The following AGAP1 variants were observed in gnomAD, a reference collection of about 807,000 sequenced individuals.
The protein encoded by AGAP1 is arf-GAP with GTPase, ANK repeat and PH domain-containing protein 1.
A neutral mutation model predicts 105.3 loss-of-function variants in AGAP1; 29 were observed. That is an observed-to-expected ratio of 0.28 (90% confidence interval 0.21 to 0.38). AGAP1 has a LOEUF of 0.38. Among genes scored for constraint, AGAP1 ranks in the 10% least tolerant of loss-of-function variants. The pLI is 1.00. For missense variants in AGAP1, 998 were observed against 1,165.1 expected (o/e 0.86, Z 2.09); for synonymous variants, 509 against 485.9 (o/e 1.05, Z -0.63).
chr2:236,036,471 G>T lies in AGAP1; in HGVS notation c.1646-90G>T. On this transcript the variant is annotated intron_variant, in intron 13 of 17. Transcript: ENST00000304032. The surrounding 1 kb of genome is among the most constrained non-coding windows in gnomAD (Gnocchi z 5.7). Reference sequence around the variant, plus strand: ...CTCACCGGTCCATGCAGGGGCAGCTGAACCCAGAGGCGCTTCTGTGACAGA... The same window carrying T: ...CTCACCGGTCCATGCAGGGGCAGCTTAACCCAGAGGCGCTTCTGTGACAGA... 1 of 1,533,008 alleles carries T rather than the reference G, an allele frequency of 6.5e-7. No individual in the cohort carries two copies. The highest frequency in any genetic ancestry group is 1.3e-5 in the South Asian group (1 of 79,514). 95.0% of individuals were successfully genotyped at this position (1,533,008 alleles called of 1,614,324 possible).
chr2:235,501,782 C>G (rs1054843449), intron 1 of AGAP1, among the ~76,000 whole-genome samples: 1 of 151,780 alleles, frequency 6.6e-6, no homozygotes, highest in East Asian at 1.9e-4. Context: ...CCCCTCCCCG[C>G]CCCCATCCCA....
chr2:235,502,219 A>G (rs1941590226), intron 1 of AGAP1, among the ~76,000 whole-genome samples: 1 of 152,120 alleles, frequency 6.6e-6, no homozygotes, highest in Non-Finnish European at 1.5e-5. Context: ...CATGGCCAGA[A>G]GTGGGTATCG....
intron 1 of AGAP1, among the ~76,000 whole-genome samples, chr2:235,554,004 C>T (rs1442599212): frequency 1.3e-5 from 2 of 152,192 alleles, no homozygotes; most frequent in Middle Eastern, 3.2e-3. Context: ...GTGTGACTCA[C>T]CTCTGGCCAG....
chr2:236,011,554 G>A (rs898279889), intron 13 of AGAP1, among the ~76,000 whole-genome samples: 2 of 152,162 alleles, frequency 1.3e-5, no homozygotes, highest in Non-Finnish European at 2.9e-5. Flanking sequence ...TAGCAGAATG[G>A]AAAACACTAA....
rs370959086 is a variant in AGAP1, at chr2:235,826,982, G to A, written c.1050+19651G>A. Among the ~76,000 whole-genome samples, 107 of 152,142 alleles carry A rather than the reference G, an allele frequency of 7.0e-4. No homozygotes were observed. The East Asian group carries it at 0.016, about 22-fold the overall frequency. ...TGCACTTTTCAGATACGGTGGCTCC[G>A]CGTGTTGGAGAATTCAGTACCAGAT... is the stretch of plus-strand genomic sequence containing the variant. On this transcript the variant is annotated intron_variant, in intron 9 of 17. Transcript: ENST00000304032.
rs967709116 is a variant in AGAP1 at position 236,119,332 on chromosome 2, C to T, written c.2115-860C>T. 1.3e-5 allele frequency among the ~76,000 whole-genome samples: 2 copies of T among 152,192 alleles called. No individual in the cohort carries two copies. The highest frequency in any genetic ancestry group is 4.1e-4 in the South Asian group (2 of 4,826). ...GTTTCCCCCAAAAAACTCAGCCATTCCTGACATTCTGTCCTTTCCACTTAA... is the reference window on the plus strand; with the variant it reads ...GTTTCCCCCAAAAAACTCAGCCATTTCTGACATTCTGTCCTTTCCACTTAA... On this transcript the variant is annotated intron_variant, in intron 16 of 17. Transcript: ENST00000304032. This position sits in a 1 kb window ranked among gnomAD's most constrained non-coding sequence, Gnocchi z 6.6.
At chr2:236,068,571 C>T (rs1285772580) in intron 16 of AGAP1, among the ~76,000 whole-genome samples, 7 of 151,786 alleles carry the variant, frequency 4.6e-5, no homozygotes, top group African/African-American at 1.7e-4. Context: ...GAGGCCGAGG[C>T]GGGCGGATCA....
At chr2:236,093,567 G>A (rs1041141606) in intron 16 of AGAP1, among the ~76,000 whole-genome samples, 23 of 152,328 alleles carry the variant, frequency 1.5e-4, no homozygotes, top group African/African-American at 5.5e-4. Flanking sequence ...AAAAAGAAGA[G>A]TAGGGTTTGG....
chr2:235,737,675 AGGGAGGG>A lies in AGAP1; in HGVS notation c.311-3287_311-3281del, dbSNP rs964867633. 6.6e-6 allele frequency among the ~76,000 whole-genome samples: 1 copy of A among 152,180 alleles called. No individual in the cohort carries two copies. The highest frequency in any genetic ancestry group is 2.4e-5 in the African/African-American group (1 of 41,438). ...TATGCATGCTCACCTGACATGCAAC[AGGGAGGG>A]TCATCTGCCAGGGCGTCACGGTCAT... On this transcript the variant is annotated intron_variant, in intron 3 of 17. Coordinates refer to ENST00000304032, the MANE Select transcript of AGAP1 (RefSeq NM_001037131.3). This position sits in a 1 kb window ranked among gnomAD's most constrained non-coding sequence, Gnocchi z 4.5.
Position 236,014,902 on chromosome 2 carries a change from C to CGCCCACACCTCCACCT in AGAP1, c.1646-21655_1646-21640dup, listed in dbSNP as rs1474955890. On this transcript the variant is annotated intron_variant, in intron 13 of 17. Transcript: ENST00000304032. The surrounding 1 kb of genome is among the most constrained non-coding windows in gnomAD (Gnocchi z 6.3). ...AAGGTAACGCCTCCGCACCTCCACC[C>CGCCCACACCTCCACCT]GCCCACACCTCCACCTGCCTCTTCC... 7 of 393,226 alleles carry CGCCCACACCTCCACCT rather than the reference C, an allele frequency of 1.8e-5. No homozygotes were observed. The highest frequency in any genetic ancestry group is 1.3e-4 in the South Asian group (7 of 53,124). 24.4% of individuals were successfully genotyped at this position (393,226 alleles called of 1,614,324 possible).
intron 9 of AGAP1, among the ~76,000 whole-genome samples, chr2:235,856,375 T>C (rs995101060): frequency 5.3e-5 from 8 of 152,208 alleles, no homozygotes; most frequent in African/African-American, 1.7e-4. Context: ...CTCTGACTCA[T>C]AGAAGCAGGG....
intron 15 of AGAP1, among the ~76,000 whole-genome samples, chr2:236,043,651 G>A (rs2057625767): frequency 6.6e-6 from 1 of 151,696 alleles, no homozygotes; most frequent in African/African-American, 2.4e-5. Flanking sequence ...AACTCGAGAG[G>A]CGGAGTTTGC....
chr2:236,093,482 C>T (rs1057398664), intron 16 of AGAP1, among the ~76,000 whole-genome samples: 1 of 152,112 alleles, frequency 6.6e-6, no homozygotes, highest in Non-Finnish European at 1.5e-5. Flanking sequence ...CAAATGGAAT[C>T]GGACAAACAC....
chr2:235,833,735 A>C (rs74679935), intron 9 of AGAP1, among the ~76,000 whole-genome samples: 1 of 152,134 alleles, frequency 6.6e-6, no homozygotes, highest in East Asian at 1.9e-4. Context: ...CACTACAAAT[A>C]TGGTTATAAA....
At chr2:235,767,773 T>C in intron 6 of AGAP1, among the ~76,000 whole-genome samples, 1 of 140,810 alleles carries the variant, frequency 7.1e-6, no homozygotes, top group Non-Finnish European at 1.5e-5. Context: ...TTCCAGTTTC[T>C]TGTCTTTTTT....
chr2:236,045,787 G>C lies in AGAP1; in HGVS notation c.1892-3272G>C, dbSNP rs556928400. 4 of 382,208 alleles carry C rather than the reference G, an allele frequency of 1.0e-5. No homozygotes were observed. Among genetic ancestry groups the C allele is most frequent in the Non-Finnish European group, 2.2e-5 (4 of 179,036 alleles). The allele number at this position is 382,208 out of a possible 1,614,324, so 23.7% of individuals were successfully genotyped here. ...AAGGAAATTGCAGTGGTGATGCTTA[G>C]ATACCAACCCTTGCCGATGAGTCAT... On this transcript the variant is annotated intron_variant, in intron 15 of 17. Transcript: ENST00000304032. The surrounding 1 kb of genome is among the most constrained non-coding windows in gnomAD (Gnocchi z 6.9).
At chr2:236,006,487 T>C (rs78380162) in intron 13 of AGAP1, among the ~76,000 whole-genome samples, 1,677 of 152,322 alleles carry the variant, frequency 0.011, 30 homozygotes, top group African/African-American at 0.037. Flanking sequence ...TCTACAAATA[T>C]TTCTATATGT....
chr2:235,505,135 ACT>A (rs1941740430), intron 1 of AGAP1, among the ~76,000 whole-genome samples: 1 of 151,878 alleles, frequency 6.6e-6, no homozygotes, highest in Admixed American at 6.6e-5. Context: ...AAGGGAATTC[ACT>A]CTGTATGTTT....
chr2:235,925,560 C>T (rs1399544509), intron 11 of AGAP1, among the ~76,000 whole-genome samples: 2 of 152,220 alleles, frequency 1.3e-5, no homozygotes, highest in South Asian at 2.1e-4. Context: ...CCTTCCTGAA[C>T]TGGCAACTTT....
Sources: gnomAD v4.1 joint callset for allele counts (sites outside exome capture counted in the v4.1 genomes callset) on GRCh38, gnomAD v4.1.1 for gene constraint, Gnocchi (gnomAD v3.1) non-coding constraint, MANE v1.5 for transcripts, NCBI Gene and HGNC (gene_info 2026-07-23, HGNC 2026-07-21) for gene names.